Variants in MYO19 observed in about 807,000 individuals in gnomAD.
MYO19 encodes myosin XIX, also known as unconventional myosin-XIX.
Under a neutral mutation model 129.2 loss-of-function variants are expected in MYO19, and 132 were observed. That is an observed-to-expected ratio of 1.02 (90% CI 0.89 to 1.18). The LOEUF is 1.18. Among genes scored for constraint, MYO19 ranks in the 50% most tolerant of loss-of-function variants. The pLI is 0.00. For synonymous variants in MYO19, 531 were observed against 477.2 expected, an observed-to-expected ratio of 1.11 and a Z score of -1.47; for missense variants, 1,210 against 1,216.7, an observed-to-expected ratio of 0.99 and a Z score of 0.08.
intron 17 of MYO19, 65 bp from the exon 18 acceptor site, chr17:36,506,673 C>G (rs1248575885): frequency 6.7e-7 from 1 of 1,484,000 alleles, no homozygotes; most frequent in Non-Finnish European, 9.0e-7. Flanking sequence ...CCATCCACTG[C>G]CCACCCAAGC....
chr17:36,505,222 T>C, intron 19 of MYO19, 75 bp downstream of exon 19: 1 of 1,280,180 alleles, frequency 7.8e-7, no homozygotes, highest in Non-Finnish European at 1.1e-6. Flanking sequence ...GGAACAGATG[T>C]CCTGCCCTTC....
chr17:36,542,394 T>A (rs112688681), intron 1 of MYO19, among the ~76,000 whole-genome samples: 5 of 152,036 alleles, frequency 3.3e-5, no homozygotes, highest in African/African-American at 1.2e-4. Context: ...CCAACCAGAA[T>A]CCTAATGAAG....
rs2071210900 is a variant in MYO19, at chr17:36,498,515, T to G, written c.2508A>C (p.Glu836Asp). The G allele has an allele frequency of 6.2e-7, 1 of 1,614,018 alleles. No homozygotes were observed. The highest frequency in any genetic ancestry group is 8.5e-7 in the Non-Finnish European group (1 of 1,179,850). The change falls in exon 25 of 26, where the codon GAA (glutamate) becomes GAC (aspartate). Residue 836 changes from glutamate to aspartate, a missense_variant. Transcript: ENST00000614623. ...AGGGAGCTTGAGAGAAGTGTTTTTCTTCCACACCATCCAGCTCTTTAGCAG... is the reference window on the plus strand; with the variant it reads ...AGGGAGCTTGAGAGAAGTGTTTTTCGTCCACACCATCCAGCTCTTTAGCAG... ...CLAAKELDGV[E>D]EKHFSQAPCS...
upstream of MYO19, among the ~76,000 whole-genome samples, chr17:36,536,848 CA>C (rs1402359350): frequency 6.6e-6 from 1 of 152,186 alleles, no homozygotes; most frequent in Non-Finnish European, 1.5e-5. Flanking sequence ...CTGTCTTGTA[CA>C]GGGAATAGCT....
chr17:36,501,380 T>C, intron 21 of MYO19, 145 bp from the exon 22 acceptor site: 1 of 873,666 alleles, frequency 1.1e-6, no homozygotes, highest in Non-Finnish European at 1.7e-6. Context: ...TGTTCTTCTT[T>C]TGGAGGAAGC....
upstream of MYO19, chr17:36,537,369 G>C (rs576112477): frequency 3.7e-6 from 6 of 1,613,662 alleles, no homozygotes; most frequent in South Asian, 6.6e-5. Flanking sequence ...AATTATCTTT[G>C]GGGCAGGGCT....
chr17:36,533,674 G>C (rs1330366698), intron 2 of MYO19: 1 of 152,226 alleles, frequency 6.6e-6, no homozygotes, highest in Non-Finnish European at 1.5e-5. Flanking sequence ...AAGGTGTGGT[G>C]CTACAGCCCT....
At chr17:36,526,928 C>A (rs2142360017) in intron 5 of MYO19, among the ~76,000 whole-genome samples, 1 of 151,766 alleles carries the variant, frequency 6.6e-6, no homozygotes, top group East Asian at 1.9e-4. Flanking sequence ...ACCTGTAATT[C>A]CAGCGCTTTG....
intron 13 of MYO19, among the ~76,000 whole-genome samples, chr17:36,510,161 C>T (rs1185004121): frequency 2.6e-5 from 4 of 152,232 alleles, no homozygotes; most frequent in African/African-American, 9.6e-5. Flanking sequence ...GAAGCCCTTA[C>T]AAGGCCTGCT....
chr17:36,521,460 G>A (rs2073125761), intron 6 of MYO19, among the ~76,000 whole-genome samples: 2 of 152,062 alleles, frequency 1.3e-5, no homozygotes, highest in Admixed American at 1.3e-4. Context: ...GAGAAAGGAG[G>A]ATAGGTGAGA....
chr17:36,524,773 C>A (rs1439515019), intron 6 of MYO19, among the ~76,000 whole-genome samples: 6 of 152,226 alleles, frequency 3.9e-5, no homozygotes, highest in Non-Finnish European at 4.4e-5. Context: ...TACAGTGACT[C>A]ATTTAACTCT....
intron 2 of MYO19, among the ~76,000 whole-genome samples, chr17:36,532,993 T>C (rs1370901187): frequency 6.6e-6 from 1 of 152,112 alleles, no homozygotes; most frequent in Non-Finnish European, 1.5e-5. Flanking sequence ...TGCCCTATCC[T>C]CTACATTAGA....
chr17:36,512,847 A>G, intron 11 of MYO19: 8 of 1,224,092 alleles, frequency 6.5e-6, no homozygotes, highest in Non-Finnish European at 8.4e-6. Flanking sequence ...AGGCCCCCCT[A>G]GTGTGACTGA....
chr17:36,512,854 C>A, intron 11 of MYO19: 1 of 1,209,460 alleles, frequency 8.3e-7, no homozygotes, highest in South Asian at 1.5e-5. Flanking sequence ...CCTAGTGTGA[C>A]TGAGAGGAGC....
chr17:36,515,097 C>T lies in MYO19; in HGVS notation c.617+16G>A. 2 of 1,596,816 alleles carry T rather than the reference C, an allele frequency of 1.3e-6. No homozygotes were observed. Among genetic ancestry groups the T allele is most frequent in the South Asian group, 1.1e-5 (1 of 87,838 alleles). On this transcript the variant is annotated intron_variant, in intron 8 of 25. Transcript: ENST00000614623. ...AGTCCCATCCTCCCACTAGCCAGGG[C>T]AACAGCAGCTATTACCTGTTCAGCT... is the stretch of plus-strand genomic sequence containing the variant.
intron 13 of MYO19, 67 bp from the exon 14 acceptor site, chr17:36,509,202 T>TC (rs1275400538): frequency 2.8e-6 from 4 of 1,451,934 alleles, no homozygotes; most frequent in Non-Finnish European, 2.9e-6. Context: ...GTAAAATTGC[T>TC]CCCCCCATCA....
At chr17:36,538,266 T>C, upstream of MYO19, 1 of 1,613,416 alleles carries the variant, frequency 6.2e-7, no homozygotes, top group East Asian at 2.2e-5. Flanking sequence ...TAGTAGTTTA[T>C]TACTGGGTGA....
Position 36,509,662 on chromosome 17 carries a change from C to T in MYO19, c.1158-527G>A, listed in dbSNP as rs575853484. The T allele has an allele frequency of 2.4e-5, 4 of 170,058 alleles. No homozygotes were observed. The South Asian group carries it at 6.2e-4, about 26-fold the overall frequency. 10.5% of individuals were successfully genotyped at this position (170,058 alleles called of 1,614,324 possible). ...CGGCCCCAGCCCAGAGAAGATGAGACTACCACACAAGACGCTGACACGTAC... is the reference window on the plus strand; with the variant it reads ...CGGCCCCAGCCCAGAGAAGATGAGATTACCACACAAGACGCTGACACGTAC... On this transcript the variant is annotated intron_variant, in intron 13 of 25. Coordinates refer to ENST00000614623, the MANE Select transcript of MYO19 (RefSeq NM_001163735.2).
chr17:36,534,873 G>GTCTTT (rs1034128118), upstream of MYO19: 4 of 152,360 alleles, frequency 2.6e-5, no homozygotes, highest in Admixed American at 2.6e-4. Flanking sequence ...AAAGAGGAGG[G>GTCTTT]GCAAGAGCGT....
Sources: allele counts gnomAD v4.1 joint callset (sites outside exome capture counted in the v4.1 genomes callset), GRCh38; gene constraint gnomAD v4.1.1; transcripts MANE v1.5; gene names NCBI Gene and HGNC (gene_info 2026-07-23, HGNC 2026-07-21).